The following CCDC62 variants were observed in gnomAD, a reference collection of about 807,000 sequenced individuals.
CCDC62 encodes the protein coiled-coil domain containing 62.
A neutral mutation model predicts 80.8 loss-of-function variants in CCDC62; 72 were observed. That is an observed-to-expected ratio of 0.89 (90% confidence interval 0.74 to 1.08). The LOEUF is 1.08. Among genes scored for constraint, CCDC62 ranks in the 50% least tolerant of loss-of-function variants. The pLI, the probability that CCDC62 is intolerant of heterozygous loss-of-function variation, is 0.00. For synonymous variants in CCDC62, 286 were observed against 296.5 expected (o/e 0.96, Z 0.36); for missense variants, 704 against 809.4 (o/e 0.87, Z 1.58).
intron 11 of CCDC62, among the ~76,000 whole-genome samples, chr12:122,817,447 C>T (rs2032217378): frequency 6.6e-6 from 1 of 151,934 alleles, no homozygotes; most frequent in Non-Finnish European, 1.5e-5. Flanking sequence ...GCCTCAGCCT[C>T]CTGAGTAGCT....
chr12:122,786,657 T>G (rs1216677051), intron 4 of CCDC62, among the ~76,000 whole-genome samples: 1 of 151,992 alleles, frequency 6.6e-6, no homozygotes, highest in Non-Finnish European at 1.5e-5. Context: ...TTGGGGCAAG[T>G]GCTGTTAAAA....
At chr12:122,818,828 A>G (rs1446751128) in intron 11 of CCDC62, among the ~76,000 whole-genome samples, 2 of 152,006 alleles carry the variant, frequency 1.3e-5, no homozygotes, top group Non-Finnish European at 2.9e-5. Context: ...CTGAGGTAGG[A>G]GGATCATGAC....
Position 122,823,356 on chromosome 12 carries a change from TG to T in CCDC62, c.2002-9del. 1.2e-6 allele frequency: 2 copies of T among 1,607,952 alleles called. No individual in the cohort carries two copies. Among genetic ancestry groups the T allele is most frequent in the Non-Finnish European group, 1.7e-6 (2 of 1,174,610 alleles). On this transcript the variant is annotated splice_polypyrimidine_tract_variant and intron_variant, in intron 11 of 12. Transcript: ENST00000253079. ...CTATCCTGAATACTAATCTGGGAGT[TG>T]TTTTCTAGAAGTCAGAGGTCCCAGA...
intron 3 of CCDC62, among the ~76,000 whole-genome samples, chr12:122,784,104 AG>A (rs2030055662): frequency 6.6e-6 from 1 of 152,004 alleles, no homozygotes; most frequent in African/African-American, 2.4e-5. Context: ...CCGCCTCCAT[AG>A]TTTTGCCTTT....
rs140157270 is a variant in CCDC62, at chr12:122,794,556, G to T, written c.772+2435G>T. Among the ~76,000 whole-genome samples, 15 of 152,266 alleles carry T rather than the reference G, an allele frequency of 9.9e-5. No individual in the cohort carries two copies. In the East Asian group the frequency reaches 2.5e-3, roughly 25 times the overall value. ...TAACTAAAGACAATCTCACACCATT[G>T]TCTGAAAACAATTTTTGTATGTTTT... On this transcript the variant is annotated intron_variant, in intron 6 of 12. Transcript: ENST00000253079.
Position 122,774,775 on chromosome 12 carries a change from C to T in CCDC62, c.36+69C>T, listed in dbSNP as rs1879307909. ...GCACATTGGTCGAAATCTATTGCTT[C>T]TCAAGAACGGTGTCTACTTAAAATG... On this transcript the variant is annotated intron_variant, in intron 1 of 12. Transcript: ENST00000253079. 2.6e-6 allele frequency: 3 copies of T among 1,143,504 alleles called. No individual in the cohort carries two copies. The African/African-American group carries it at 4.8e-5, about 18-fold the overall frequency. 70.8% of individuals were successfully genotyped at this position (1,143,504 alleles called of 1,614,324 possible). A position where few individuals can be genotyped will look rare whatever the true frequency, so the allele number is the denominator to read the frequency against.
Position 122,788,895 on chromosome 12 carries a change from G to A in CCDC62, c.636G>A (p.Leu212=), listed in dbSNP as rs1415018323. ...AAAAGCAAGATTATAAGCAGAAATT[G>A]AAGGCACTTAAGATTGAAGTCAACA... is the stretch of plus-strand genomic sequence containing the variant. ...VKEKQDYKQK[L]KALKIEVNKL... Residue 212 remains leucine, a synonymous_variant, in exon 5 of 13, where the codon TTG becomes TTA. Coordinates refer to ENST00000253079, the MANE Select transcript of CCDC62 (RefSeq NM_201435.5). The A allele has an allele frequency of 1.9e-6, 3 of 1,606,902 alleles. No homozygotes were observed. Among genetic ancestry groups the A allele is most frequent in the Non-Finnish European group, 2.5e-6 (3 of 1,178,320 alleles).
chr12:122,794,802 A>T (rs2030835749), intron 6 of CCDC62, among the ~76,000 whole-genome samples: 1 of 152,110 alleles, frequency 6.6e-6, no homozygotes, highest in African/African-American at 2.4e-5. Flanking sequence ...GACTACAGGC[A>T]TGTGTCATCA....
In CCDC62 at chr12:122,804,602, A is replaced by C. The variant is rs117953637; in HGVS notation, c.1707-1549A>C. Among the ~76,000 whole-genome samples, 1,214 of 152,344 alleles carry C rather than the reference A, an allele frequency of 8.0e-3. 10 individuals are homozygous for C. Among genetic ancestry groups the C allele is most frequent in the Non-Finnish European group, 0.013 (875 of 68,034 alleles). On this transcript the variant is annotated intron_variant, in intron 9 of 12. Coordinates refer to ENST00000253079, the MANE Select transcript of CCDC62 (RefSeq NM_201435.5). The stretch of plus-strand genomic sequence containing the variant: ...GGAGTTGAAGGCCATCCTGGGCAAC[A>C]GCATGGCCCATCTCCAATAATAACA...
intron 10 of CCDC62, among the ~76,000 whole-genome samples, chr12:122,807,466 G>A (rs2031668748): frequency 7.2e-6 from 1 of 138,046 alleles, no homozygotes; most frequent in Non-Finnish European, 1.5e-5. Flanking sequence ...AGGAGGCAGA[G>A]TTTGCAGTGA....
At chr12:122,777,767 T>C in intron 2 of CCDC62, 84 bp downstream of exon 2, 774 of 1,191,430 alleles carry the variant, frequency 6.5e-4, no homozygotes, top group Non-Finnish European at 8.6e-4. Flanking sequence ...AGAGAGGAAG[T>C]AAAGACTGCA....
At chr12:122,821,599 G>A (rs776973557) in intron 11 of CCDC62, among the ~76,000 whole-genome samples, 1 of 151,690 alleles carries the variant, frequency 6.6e-6, no homozygotes, top group African/African-American at 2.4e-5. Context: ...ACAGGTGTTT[G>A]TCACCATGCC....
intron 1 of CCDC62, among the ~76,000 whole-genome samples, chr12:122,776,023 T>C (rs1343406761): frequency 1.3e-5 from 2 of 149,868 alleles, no homozygotes; most frequent in African/African-American, 2.6e-5. Context: ...TCTATTAAAG[T>C]AACACTTTTA....
In CCDC62 at chr12:122,816,788, G is replaced by A. The variant is rs553211971; in HGVS notation, c.2001+3369G>A. Among the ~76,000 whole-genome samples the A allele has an allele frequency of 6.0e-5, 9 of 149,024 alleles. No homozygotes were observed. In the East Asian group the frequency reaches 1.5e-3, roughly 26 times the overall value. On this transcript the variant is annotated intron_variant, in intron 11 of 12. Transcript: ENST00000253079. ...TTTACATACAATTCACCCTTCTAAA[G>A]TGTACAATTTGGTGGTTTTTTTTAA... is the stretch of plus-strand genomic sequence containing the variant.
At chr12:122,802,568 C>T (rs1441532530) in intron 9 of CCDC62, among the ~76,000 whole-genome samples, 1 of 151,872 alleles carries the variant, frequency 6.6e-6, no homozygotes, top group African/African-American at 2.4e-5. Context: ...CACACACCAC[C>T]ATGCCCAGCT....
At chr12:122,822,964 CT>C (rs1025503483) in intron 11 of CCDC62, among the ~76,000 whole-genome samples, 26 of 150,432 alleles carry the variant, frequency 1.7e-4, no homozygotes, top group African/African-American at 4.9e-4. Flanking sequence ...GTCTTTTTTT[CT>C]TTTTTCTTTT....
intron 6 of CCDC62, among the ~76,000 whole-genome samples, chr12:122,795,649 T>C (rs2604850): frequency 0.93 from 141,751 of 152,182 alleles, 66,176 homozygotes; most frequent in East Asian, 0.98. Context: ...TGGTCTTGAT[T>C]TCCTGACCTC....
chr12:122,806,291 A>G lies in CCDC62; in HGVS notation c.1847A>G (p.Glu616Gly). Reference sequence around the variant, plus strand: ...TACAAAGATGCACCAGCATTCAATGAAAAGGTTCGTATTTTGCTTAGACAT... The same window carrying G: ...TACAAAGATGCACCAGCATTCAATGGAAAGGTTCGTATTTTGCTTAGACAT... ...LIYKDAPAFNEKASIVLPSQD... is the reference protein window; with the variant it reads ...LIYKDAPAFNGKASIVLPSQD... Residue 616 changes from glutamate to glycine, a missense_variant, in exon 10 of 13, where the codon GAA becomes GGA. Transcript: ENST00000253079. The G allele has an allele frequency of 1.2e-6, 2 of 1,607,842 alleles. No homozygotes were observed. Among genetic ancestry groups the G allele is most frequent in the African/African-American group, 1.3e-5 (1 of 74,876 alleles).
At chr12:122,780,487 A>G (rs1593779166) in intron 2 of CCDC62, among the ~76,000 whole-genome samples, 2 of 143,890 alleles carry the variant, frequency 1.4e-5, no homozygotes, top group African/African-American at 2.6e-5. Flanking sequence ...GGTGGCAGGC[A>G]CCTGTAGTCC....
Sources: allele counts gnomAD v4.1 joint callset (sites outside exome capture counted in the v4.1 genomes callset), GRCh38; gene constraint gnomAD v4.1.1; transcripts MANE v1.5; gene names NCBI Gene and HGNC (gene_info 2026-07-23, HGNC 2026-07-21).